KCNJ1: variants seen among roughly 807,000 people sequenced by gnomAD.
The protein encoded by KCNJ1 is ATP-sensitive inward rectifier potassium channel 1.
In KCNJ1, 24 loss-of-function variants were observed where a neutral mutation model predicts 21.9. The ratio of observed to expected loss-of-function variants is 1.10; its 90% CI spans 0.79 to 1.54. The LOEUF is 1.54. KCNJ1 is among the 40% of genes most tolerant of loss of function. KCNJ1 has a pLI of 0.00. For synonymous variants in KCNJ1, 152 were observed against 160.9 expected (o/e 0.94, Z 0.42); for missense variants, 457 against 455.4 (o/e 1.00, Z -0.03).
rs1408265554 is a variant in KCNJ1, at chr11:128,838,959, T to C, written c.*166A>G. 2.2e-5 allele frequency: 14 copies of C among 645,714 alleles called. No individual in the cohort carries two copies. Among genetic ancestry groups the C allele is most frequent in the Non-Finnish European group, 3.8e-5 (14 of 365,788 alleles). The allele number at this position is 645,714 out of a possible 1,614,324, so 40.0% of individuals were successfully genotyped here. On this transcript the variant is annotated 3_prime_UTR_variant, in exon 3 of 3. Transcript: ENST00000392666. ...TTCTAATACAGTAGCCTTGTGGAGA[T>C]GCATGTCTTGTGGGATCACAATTGC... is the stretch of plus-strand genomic sequence containing the variant.
intron 1 of KCNJ1, among the ~76,000 whole-genome samples, chr11:128,857,915 T>C (rs1237500621): frequency 1.3e-5 from 2 of 152,242 alleles, no homozygotes; most frequent in Non-Finnish European, 2.9e-5. Flanking sequence ...AAAATGTGTT[T>C]CTGGGTATTT....
In KCNJ1 at chr11:128,839,523, A is replaced by C. The variant is rs1943236165; in HGVS notation, c.721T>G (p.Leu241Val). The change falls in exon 3 of 3, where the codon TTA becomes GTA. Residue 241 changes from leucine to valine, a missense_variant. Coordinates refer to ENST00000392666, the MANE Select transcript of KCNJ1 (RefSeq NM_153766.3). Reference protein sequence around the residue: ...NFVVDAGNENLFFISPLTIYH... With the variant: ...NFVVDAGNENVFFISPLTIYH... Reference sequence around the variant, plus strand: ...ATTGTCAATGGGGAGATGAAGAATAAATTTTCATTCCCAGCGTCAACTACA... The same window carrying C: ...ATTGTCAATGGGGAGATGAAGAATACATTTTCATTCCCAGCGTCAACTACA... 6.2e-7 allele frequency: 1 copy of C among 1,614,178 alleles called. No homozygotes were observed. Among genetic ancestry groups the C allele is most frequent in the Non-Finnish European group, 8.5e-7 (1 of 1,180,026 alleles).
chr11:128,864,860 G>A lies in KCNJ1; in HGVS notation c.-192+2313C>T, dbSNP rs563448658. ...TTGGTAATCTCCTCCCTGATTACCC[G>A]GCCGTGGTCTTACCCTACTCTAGTC... On this transcript the variant is annotated intron_variant, in intron 1 of 2. Transcript: ENST00000392666. Among the ~76,000 whole-genome samples the A allele has an allele frequency of 1.8e-4, 27 of 152,006 alleles. No individual in the cohort carries two copies. In the South Asian group the frequency reaches 4.6e-3, roughly 26 times the overall value.
At chr11:128,866,603 G>A (rs1240686324) in intron 1 of KCNJ1, 2 of 815,406 alleles carry the variant, frequency 2.5e-6, no homozygotes, top group Admixed American at 6.2e-5. Flanking sequence ...CTGAACAAAT[G>A]TTGAGAAATC....
rs749675322 is a variant in KCNJ1, at chr11:128,839,948, T to C, written c.296A>G (p.His99Arg). 1.2e-5 allele frequency: 19 copies of C among 1,613,934 alleles called. No individual in the cohort carries two copies. The highest frequency in any genetic ancestry group is 2.2e-5 in the East Asian group (1 of 44,894). Residue 99 changes from histidine to arginine, a missense_variant, in exon 3 of 3, where the codon CAC (histidine) becomes CGC (arginine). Physicochemically the swap from His to Arg is conservative, Grantham distance 29. Coordinates refer to ENST00000392666, the MANE Select transcript of KCNJ1 (RefSeq NM_153766.3). ...DLPEFHPSANHTPCVENINGL... is the reference protein window; with the variant it reads ...DLPEFHPSANRTPCVENINGL... ...ATTAATATTCTCCACACAGGGAGTG[T>C]GATTGGCAGAAGGATGGAATTCCGG...
At chr11:128,859,512 G>A (rs1943658883) in intron 1 of KCNJ1, among the ~76,000 whole-genome samples, 1 of 152,226 alleles carries the variant, frequency 6.6e-6, no homozygotes, top group Admixed American at 6.5e-5. Context: ...GCCTCCCAAA[G>A]TGCTGGGATT....
At chr11:128,853,582 A>T (rs1021789327) in intron 1 of KCNJ1, among the ~76,000 whole-genome samples, 1 of 152,208 alleles carries the variant, frequency 6.6e-6, no homozygotes, top group African/African-American at 2.4e-5. Flanking sequence ...GATTGTAATG[A>T]TGGCTGTGCA....
intron 1 of KCNJ1, among the ~76,000 whole-genome samples, chr11:128,855,919 C>A (rs1294834747): frequency 1.3e-5 from 2 of 152,224 alleles, no homozygotes; most frequent in Non-Finnish European, 2.9e-5. Flanking sequence ...CTGCCAGACC[C>A]AAGGACGGTA....
chr11:128,861,123 CTG>C (rs1181746549), intron 1 of KCNJ1, among the ~76,000 whole-genome samples: 1 of 152,220 alleles, frequency 6.6e-6, no homozygotes, highest in Non-Finnish European at 1.5e-5. Flanking sequence ...GTGGCATTCA[CTG>C]TGTCAGCATT....
At chr11:128,842,681 G>T in intron 2 of KCNJ1, 1 of 614,412 alleles carries the variant, frequency 1.6e-6, no homozygotes, top group Non-Finnish European at 2.7e-6. Flanking sequence ...GACATGACAA[G>T]CCATCAGCTA....
chr11:128,842,620 A>G (rs1039178005), intron 2 of KCNJ1: 5 of 1,164,720 alleles, frequency 4.3e-6, no homozygotes, highest in East Asian at 2.7e-5. Context: ...CCCAAGCTGA[A>G]TAGGTATTTT....
At chr11:128,858,848 T>G (rs149345183) in intron 1 of KCNJ1, among the ~76,000 whole-genome samples, 21 of 152,368 alleles carry the variant, frequency 1.4e-4, no homozygotes, top group Non-Finnish European at 2.2e-4. Flanking sequence ...GGTAGCTATA[T>G]GTCTACCTTG....
chr11:128,839,192 T>G lies in KCNJ1; in HGVS notation c.1052A>C (p.Lys351Thr), dbSNP rs1943222218. The change falls in exon 3 of 3, where the codon AAG becomes ACG. Residue 351 changes from lysine to threonine, a missense_variant. By Grantham distance (78) the Lys-to-Thr change is moderately conservative. Transcript: ENST00000392666. ...YNEKDVRARMKRGYDNPNFIL... is the reference protein window; with the variant it reads ...YNEKDVRARMTRGYDNPNFIL... Reference sequence around the variant, plus strand: ...GAAGTTGGGGTTGTCATAGCCTCTCTTCATCCTGGCTCTAACATCTTTCTC... The same window carrying G: ...GAAGTTGGGGTTGTCATAGCCTCTCGTCATCCTGGCTCTAACATCTTTCTC... 1 of 1,614,110 alleles carries G rather than the reference T, an allele frequency of 6.2e-7. No homozygotes were observed. Among genetic ancestry groups the G allele is most frequent in the Admixed American group, 1.7e-5 (1 of 60,006 alleles).
At chr11:128,859,698 C>T (rs1176603613) in intron 1 of KCNJ1, among the ~76,000 whole-genome samples, 1 of 152,200 alleles carries the variant, frequency 6.6e-6, no homozygotes, top group Non-Finnish European at 1.5e-5. Flanking sequence ...CCCTTCCCTG[C>T]GTGCCCTCTC....
intron 2 of KCNJ1, among the ~76,000 whole-genome samples, chr11:128,849,635 GA>G (rs1451444984): frequency 9.9e-5 from 15 of 152,206 alleles, no homozygotes; most frequent in Non-Finnish European, 1.9e-4. Context: ...GCAGAGTTTA[GA>G]AATGGTTATG....
chr11:128,839,843 C>T lies in KCNJ1; in HGVS notation c.401G>A (p.Cys134Tyr). Residue 134 changes from cysteine (C) to tyrosine (Y), a missense_variant, in exon 3 of 3, where the codon TGT (cysteine) becomes TAT (tyrosine). By Grantham distance (194) the Cys-to-Tyr change is radical. Coordinates refer to ENST00000392666, the MANE Select transcript of KCNJ1 (RefSeq NM_153766.3). ...GATAAGCAGAAAAATGGCAGTGGCA[C>T]ACTGTTCTGTCACACACCTGAATCC... ...GYGFRCVTEQ[C>Y]ATAIFLLIFQ... The T allele has an allele frequency of 6.2e-7, 1 of 1,614,152 alleles. No individual in the cohort carries two copies. Among genetic ancestry groups the T allele is most frequent in the South Asian group, 1.1e-5 (1 of 91,084 alleles).
chr11:128,842,897 T>A (rs971229783), intron 2 of KCNJ1, among the ~76,000 whole-genome samples: 1 of 152,166 alleles, frequency 6.6e-6, no homozygotes, highest in African/African-American at 2.4e-5. Context: ...CAGGTGAACA[T>A]ACAGACATAA....
intron 1 of KCNJ1, among the ~76,000 whole-genome samples, chr11:128,858,132 T>C (rs1304944492): frequency 9.2e-6 from 1 of 108,492 alleles, no homozygotes; most frequent in Non-Finnish European, 1.9e-5. Flanking sequence ...TGGGGAGGGA[T>C]GGTGAGGGAA....
At chr11:128,866,046 A>C (rs1287199369) in intron 1 of KCNJ1, among the ~76,000 whole-genome samples, 7 of 152,134 alleles carry the variant, frequency 4.6e-5, no homozygotes, top group Admixed American at 6.5e-5. Context: ...CTGATGGCCC[A>C]TACGTTCCCA....
Sources: gnomAD v4.1 joint callset for allele counts (sites outside exome capture counted in the v4.1 genomes callset) on GRCh38, gnomAD v4.1.1 for gene constraint, MANE v1.5 for transcripts, NCBI Gene and HGNC (gene_info 2026-07-23, HGNC 2026-07-21) for gene names.